ERFL: variants seen among roughly 807,000 people sequenced by gnomAD.
The protein encoded by ERFL is ETS repressor factor like.
In ERFL, 8 loss-of-function variants were observed where a neutral mutation model predicts 27.9. The observed-to-expected ratio is 0.29, with a 90% confidence interval of 0.17 to 0.52. The LOEUF is 0.52. Ranked by LOEUF, ERFL falls within the 20% of genes least tolerant of loss-of-function variation. The pLI is 0.97. For missense variants in ERFL, 294 were observed against 444.4 expected, an observed-to-expected ratio of 0.66 and a Z score of 3.04; for synonymous variants, 174 against 202.8, an observed-to-expected ratio of 0.86 and a Z score of 1.21.
rs1568829489 is a variant in ERFL at position 41,909,970 on chromosome 19, C to G, written c.195G>C (p.Gly65=). The G allele has an allele frequency of 3.1e-6, 5 of 1,613,794 alleles. No individual in the cohort carries two copies. Among genetic ancestry groups the G allele is most frequent in the Non-Finnish European group, 4.2e-6 (5 of 1,179,972 alleles). ...CTTTGATGACGAATTCCCCGTAGTCCCCCTGCCAGGCTATGACGCCCTGGT... is the reference window on the plus strand; with the variant it reads ...CTTTGATGACGAATTCCCCGTAGTCGCCCTGCCAGGCTATGACGCCCTGGT... The part of the protein sequence containing the change: ...EEYQGVIAWQ[G]DYGEFVIKDP... The change falls in exon 3 of 6, where the codon GGG becomes GGC. Residue 65 remains glycine, a synonymous_variant. Transcript: ENST00000597630. This position sits in a 1 kb window ranked among gnomAD's most constrained non-coding sequence, Gnocchi z 5.2.
chr19:41,922,590 C>T (rs547478726), intron 1 of ERFL, among the ~76,000 whole-genome samples: 3 of 151,476 alleles, frequency 2.0e-5, no homozygotes, highest in Admixed American at 6.6e-5. Context: ...AACTGGGAAC[C>T]GGAGAGAGAC....
intron 1 of ERFL, among the ~76,000 whole-genome samples, chr19:41,924,496 G>A (rs1023285896): frequency 6.6e-6 from 1 of 151,984 alleles, no homozygotes; most frequent in Non-Finnish European, 1.5e-5. Context: ...TAGTAATCGG[G>A]AGCTGTCATC....
In ERFL at chr19:41,909,574, C is replaced by A; in HGVS notation, c.303-103G>T. Reference sequence around the variant, plus strand: ...TGTCCCAGGCATGGTGCACAGAGCACTAGAACTTGGGGAAACTGAGGCTCA... The same window carrying A: ...TGTCCCAGGCATGGTGCACAGAGCAATAGAACTTGGGGAAACTGAGGCTCA... On this transcript the variant is annotated intron_variant, in intron 3 of 5. Transcript: ENST00000597630. The surrounding 1 kb of genome is among the most constrained non-coding windows in gnomAD (Gnocchi z 5.2). The A allele has an allele frequency of 1.0e-6, 1 of 986,808 alleles. No individual in the cohort carries two copies. The highest frequency in any genetic ancestry group is 1.4e-6 in the Non-Finnish European group (1 of 725,448). The allele number at this position is 986,808 out of a possible 1,614,324, so 61.1% of individuals were successfully genotyped here.
intron 1 of ERFL, among the ~76,000 whole-genome samples, chr19:41,925,981 TGTGTGA>T (rs1555853233): frequency 6.6e-6 from 1 of 151,828 alleles, no homozygotes; most frequent in African/African-American, 2.4e-5. Context: ...AAGGAATGTG[TGTGTGA>T]GTGTGTGCAT....
In ERFL at chr19:41,909,122, G is replaced by A; in HGVS notation, c.554C>T (p.Pro185Leu). The change falls in exon 5 of 6, where the codon CCC (proline) becomes CTC (leucine). Residue 185 changes from proline (P) to leucine (L), a missense_variant. By Grantham distance (98) the Pro-to-Leu change is moderately conservative. Transcript: ENST00000597630. This position sits in a 1 kb window ranked among gnomAD's most constrained non-coding sequence, Gnocchi z 5.2. Reference protein sequence around the residue: ...PRLGEPGARTPLFTSETDKLR... With the variant: ...PRLGEPGARTLLFTSETDKLR... ...TTTATCTGTCTCGGAGGTGAACAGG[G>A]GTGTCCGGGCCCCTGGCTCTCCCAG... 1.6e-6 allele frequency: 2 copies of A among 1,231,956 alleles called. No homozygotes were observed. The highest frequency in any genetic ancestry group is 2.0e-6 in the Non-Finnish European group (2 of 988,200). 76.3% of individuals were successfully genotyped at this position (1,231,956 alleles called of 1,614,324 possible). A position where few individuals can be genotyped will look rare whatever the true frequency, so the allele number is the denominator to read the frequency against.
Position 41,908,408 on chromosome 19 carries a change from C to T in ERFL, c.885G>A (p.Ala295=), listed in dbSNP as rs1306837275. The T allele has an allele frequency of 2.0e-5, 25 of 1,231,102 alleles. No homozygotes were observed. The highest frequency in any genetic ancestry group is 3.1e-5 in the African/African-American group (2 of 64,368). The allele number at this position is 1,231,102 out of a possible 1,614,324, so 76.3% of individuals were successfully genotyped here. ...CCCCTGGCAGCGCCAGGCGAGGGGC[C>T]GCTGCCAGGCCCGAGGGGCGCTCGG... The part of the protein sequence containing the change: ...LGPERPSGLA[A]APRLALPGAG... Residue 295 remains alanine (A), a synonymous_variant, in exon 6 of 6, where the codon GCG becomes GCA. Coordinates refer to ENST00000597630, the MANE Select transcript of ERFL (RefSeq NM_001365103.2). This position sits in a 1 kb window ranked among gnomAD's most constrained non-coding sequence, Gnocchi z 6.7.
In ERFL at chr19:41,916,342, T is replaced by C. The variant is rs2074801604; in HGVS notation, c.-13-3410A>G. 2.0e-5 allele frequency among the ~76,000 whole-genome samples: 3 copies of C among 151,680 alleles called. No homozygotes were observed. Among genetic ancestry groups the C allele is most frequent in the African/African-American group, 7.3e-5 (3 of 41,232 alleles). On this transcript the variant is annotated intron_variant, in intron 1 of 5. Coordinates refer to ENST00000597630, the MANE Select transcript of ERFL (RefSeq NM_001365103.2). This position sits in a 1 kb window ranked among gnomAD's most constrained non-coding sequence, Gnocchi z 5.4. Reference sequence around the variant, plus strand: ...TCACACACACCAACAAAGCAACGCATACCACTGCTGCCACACACAACCCAC... The same window carrying C: ...TCACACACACCAACAAAGCAACGCACACCACTGCTGCCACACACAACCCAC...
At chr19:41,926,690 G>C (rs118019496) in intron 1 of ERFL, among the ~76,000 whole-genome samples, 9,470 of 152,048 alleles carry the variant, frequency 0.062, 413 homozygotes, top group Middle Eastern at 0.097. Context: ...TGCGGAGCGC[G>C]TCTGGGCCGC....
chr19:41,908,146 C>G lies in ERFL; in HGVS notation c.*82G>C. 8.9e-7 allele frequency: 1 copy of G among 1,124,414 alleles called. No individual in the cohort carries two copies. The highest frequency in any genetic ancestry group is 1.1e-6 in the Non-Finnish European group (1 of 889,894). 69.7% of individuals were successfully genotyped at this position (1,124,414 alleles called of 1,614,324 possible). On this transcript the variant is annotated 3_prime_UTR_variant, in exon 6 of 6. Coordinates refer to ENST00000597630, the MANE Select transcript of ERFL (RefSeq NM_001365103.2). The surrounding 1 kb of genome is among the most constrained non-coding windows in gnomAD (Gnocchi z 6.7). ...ACCTGGGAGGTGCTGAGGGCTGGTC[C>G]TGGGCCTTGGGCCAGGCATCAAGGG...
In ERFL at chr19:41,916,185, C is replaced by G. The variant is rs1468619643; in HGVS notation, c.-13-3253G>C. ...CACACCAACCCAGGCACGCACACCA[C>G]CACGTCCCACACAGCACACATCGCA... On this transcript the variant is annotated intron_variant, in intron 1 of 5. Coordinates refer to ENST00000597630, the MANE Select transcript of ERFL (RefSeq NM_001365103.2). The surrounding 1 kb of genome is among the most constrained non-coding windows in gnomAD (Gnocchi z 5.4). 6.6e-6 allele frequency among the ~76,000 whole-genome samples: 1 copy of G among 152,006 alleles called. No homozygotes were observed. The highest frequency in any genetic ancestry group is 1.5e-5 in the Non-Finnish European group (1 of 67,982).
chr19:41,919,147 TCA>T (rs782073452), intron 1 of ERFL, among the ~76,000 whole-genome samples: 2 of 150,438 alleles, frequency 1.3e-5, no homozygotes, highest in Non-Finnish European at 3.0e-5. Flanking sequence ...CACACCACAC[TCA>T]CACACCACTC....
At chr19:41,915,509 G>A (rs2074795525) in intron 1 of ERFL, among the ~76,000 whole-genome samples, 1 of 151,560 alleles carries the variant, frequency 6.6e-6, no homozygotes, top group Admixed American at 6.6e-5. Flanking sequence ...CATGTCTCTG[G>A]GTCTCCACAT....
rs572021919 is a variant in ERFL, at chr19:41,916,838, C to T, written c.-13-3906G>A. Among the ~76,000 whole-genome samples the T allele has an allele frequency of 1.2e-4, 15 of 127,406 alleles. No individual in the cohort carries two copies. Among genetic ancestry groups the T allele is most frequent in the African/African-American group, 3.7e-4 (7 of 18,796 alleles). The allele number at this position is 127,406 out of a possible 152,430, so 83.6% of individuals were successfully genotyped here. ...CACCAAGATCACGGACCCAAACATA[C>T]GACCGACAGCGGCCCCTGCAGAGGT... On this transcript the variant is annotated intron_variant, in intron 1 of 5. Transcript: ENST00000597630. The surrounding 1 kb of genome is among the most constrained non-coding windows in gnomAD (Gnocchi z 5.4).
chr19:41,914,130 C>T (rs963061684), intron 1 of ERFL, among the ~76,000 whole-genome samples: 12 of 148,758 alleles, frequency 8.1e-5, no homozygotes, highest in Non-Finnish European at 1.8e-4. Flanking sequence ...CCCTCAGACT[C>T]GCCCGGTCTC....
Position 41,916,908 on chromosome 19 carries a change from G to T in ERFL, c.-13-3976C>A, listed in dbSNP as rs1555852004. On this transcript the variant is annotated intron_variant, in intron 1 of 5. Transcript: ENST00000597630. This position sits in a 1 kb window ranked among gnomAD's most constrained non-coding sequence, Gnocchi z 5.4. ...CACACTGGGTAGGGGTGGGCACTCA[G>T]AGATGACCCCAACCCAAGGCCCCTG... Among the ~76,000 whole-genome samples, 2 of 152,092 alleles carry T rather than the reference G, an allele frequency of 1.3e-5. No homozygotes were observed. Among genetic ancestry groups the T allele is most frequent in the Non-Finnish European group, 2.9e-5 (2 of 68,020 alleles).
rs1462270239 is a variant in ERFL at position 41,921,735 on chromosome 19, T to C, written c.-14+6305A>G. 8.0e-5 allele frequency among the ~76,000 whole-genome samples: 12 copies of C among 150,928 alleles called. No homozygotes were observed. Among genetic ancestry groups the C allele is most frequent in the Admixed American group, 7.9e-4 (12 of 15,192 alleles). ...GGCGAGCCCGGCCCTGGAGGTGGAG[T>C]GGAAGGCTCAGGTGTAGGCCGGGTG... On this transcript the variant is annotated intron_variant, in intron 1 of 5. Transcript: ENST00000597630. This position sits in a 1 kb window ranked among gnomAD's most constrained non-coding sequence, Gnocchi z 4.4.
At chr19:41,927,002 G>C (rs1420546114) in intron 1 of ERFL, among the ~76,000 whole-genome samples, 1 of 152,102 alleles carries the variant, frequency 6.6e-6, no homozygotes, top group African/African-American at 2.4e-5. Context: ...GATAGATGCC[G>C]AGAAAGGAAG....
In ERFL at chr19:41,926,631, T is replaced by A. The variant is rs185688279; in HGVS notation, c.-14+1409A>T. On this transcript the variant is annotated intron_variant, in intron 1 of 5. Coordinates refer to ENST00000597630, the MANE Select transcript of ERFL (RefSeq NM_001365103.2). ...AGTTAGCTCTGGGCTAGGCGAGGCC[T>A]GGCCTGCTGGCCTGCCGGGCAGCCA... Among the ~76,000 whole-genome samples, 7 of 151,616 alleles carry A rather than the reference T, an allele frequency of 4.6e-5. No homozygotes were observed. The South Asian group carries it at 1.5e-3, about 32-fold the overall frequency.
At position 41,926,170 on chromosome 19, in the gene ERFL, G is replaced by C. The variant is rs2074869450; in HGVS notation, c.-14+1870C>G. 2.6e-5 allele frequency among the ~76,000 whole-genome samples: 4 copies of C among 152,006 alleles called. No individual in the cohort carries two copies. In the South Asian group the frequency reaches 8.3e-4, roughly 32 times the overall value. On this transcript the variant is annotated intron_variant, in intron 1 of 5. Coordinates refer to ENST00000597630, the MANE Select transcript of ERFL (RefSeq NM_001365103.2). ...TGCAGGGATTCCAGTGGAAGGGGCA[G>C]ATTTTAGAGAACAGGTATTACCTGG...
Sources: gnomAD v4.1 joint callset for allele counts (sites outside exome capture counted in the v4.1 genomes callset) on GRCh38, gnomAD v4.1.1 for gene constraint, Gnocchi (gnomAD v3.1) non-coding constraint, MANE v1.5 for transcripts, NCBI Gene and HGNC (gene_info 2026-07-23, HGNC 2026-07-21) for gene names.